The following RANBP2 variants were observed in gnomAD, a reference collection of about 807,000 sequenced individuals.
RANBP2 encodes the protein RAN binding protein 2.
Under a neutral mutation model 303.6 loss-of-function variants are expected in RANBP2, and 57 were observed. The ratio of observed to expected loss-of-function variants is 0.19; its 90% CI spans 0.15 to 0.23. The LOEUF is 0.23. Ranked by LOEUF, RANBP2 falls within the 10% of genes least tolerant of loss-of-function variation. RANBP2 has a pLI of 1.00. For synonymous variants in RANBP2, 1,167 were observed against 1,301.5 expected (o/e 0.90, Z 2.23); for missense variants, 3,138 against 3,780.8 (o/e 0.83, Z 4.46).
chr2:109,130,465 C>G, the RANBP2 span, among the ~76,000 whole-genome samples: 1 of 152,206 alleles, frequency 6.6e-6, no homozygotes, highest in Non-Finnish European at 1.5e-5. Context: ...CCAGACACTC[C>G]CTCTGCACAC....
chr2:108,902,397 A>C, the RANBP2 span, among the ~76,000 whole-genome samples: 22 of 151,820 alleles, frequency 1.4e-4, no homozygotes, highest in South Asian at 2.0e-3. Flanking sequence ...AAAACAAAAC[A>C]AAAAAACCTC....
the RANBP2 span, among the ~76,000 whole-genome samples, chr2:108,910,078 G>A: frequency 6.6e-6 from 1 of 152,338 alleles, no homozygotes; most frequent in Non-Finnish European, 1.5e-5. Flanking sequence ...CCAGCATTAC[G>A]GTGGCAGCAG....
At chr2:109,490,130 G>A in the RANBP2 span, among the ~76,000 whole-genome samples, 2 of 152,162 alleles carry the variant, frequency 1.3e-5, no homozygotes, top group African/African-American at 4.8e-5. Context: ...TTCTCCATGG[G>A]TCTCTCACCC....
chr2:109,614,866 C>A, the RANBP2 span: 1 of 1,401,992 alleles, frequency 7.1e-7, no homozygotes, highest in Non-Finnish European at 9.2e-7. Flanking sequence ...GCCCCGGAGT[C>A]GCTCCCTGGA....
At chr2:109,152,738 A>G in the RANBP2 span, among the ~76,000 whole-genome samples, 5 of 152,164 alleles carry the variant, frequency 3.3e-5, no homozygotes, top group Non-Finnish European at 5.9e-5. Context: ...TTGAGTAGGC[A>G]TGGGCAGAGG....
chr2:108,897,185 T>C, the RANBP2 span: 2 of 1,613,832 alleles, frequency 1.2e-6, no homozygotes, highest in South Asian at 1.1e-5. Flanking sequence ...AGCATTCGGC[T>C]AGTCTTCTCG....
the RANBP2 span, among the ~76,000 whole-genome samples, chr2:108,888,899 C>T: frequency 6.6e-6 from 1 of 151,702 alleles, no homozygotes; most frequent in Non-Finnish European, 1.5e-5. Context: ...TTGATTGTTA[C>T]TTTGTACTCT....
the RANBP2 span, among the ~76,000 whole-genome samples, chr2:109,523,839 C>T: frequency 6.6e-6 from 1 of 152,214 alleles, no homozygotes; most frequent in Non-Finnish European, 1.5e-5. Context: ...CACCAAGCAG[C>T]CTGCGACGGT....
chr2:108,849,513 C>G, the RANBP2 span, among the ~76,000 whole-genome samples: 1 of 152,126 alleles, frequency 6.6e-6, no homozygotes, highest in African/African-American at 2.4e-5. Flanking sequence ...GCTTCATCAC[C>G]TCTCCCTAGA....
At chr2:109,153,171 A>G in the RANBP2 span, among the ~76,000 whole-genome samples, 2 of 152,142 alleles carry the variant, frequency 1.3e-5, no homozygotes, top group Non-Finnish European at 2.9e-5. Context: ...CAGCATCTAA[A>G]CTTATGCACT....
At chr2:109,658,100 C>T in the RANBP2 span, among the ~76,000 whole-genome samples, 3 of 151,912 alleles carry the variant, frequency 2.0e-5, no homozygotes, top group Non-Finnish European at 4.4e-5. Flanking sequence ...CATCAGAGTT[C>T]ACGTATAGAA....
chr2:109,045,822 C>T, the RANBP2 span, among the ~76,000 whole-genome samples: 2 of 152,130 alleles, frequency 1.3e-5, no homozygotes, highest in Non-Finnish European at 2.9e-5. Flanking sequence ...AGAGAGTGCT[C>T]ACCTGAAAGG....
the RANBP2 span, among the ~76,000 whole-genome samples, chr2:108,985,439 C>G: frequency 7.9e-5 from 12 of 152,258 alleles, no homozygotes; most frequent in Non-Finnish European, 1.5e-5. Flanking sequence ...GGCAGGGCTA[C>G]CGCCACAGGT....
chr2:109,083,566 C>A, the RANBP2 span, among the ~76,000 whole-genome samples: 1 of 152,138 alleles, frequency 6.6e-6, no homozygotes, highest in Non-Finnish European at 1.5e-5. Context: ...GATGCACACT[C>A]GGCTTGCTTC....
the RANBP2 span, among the ~76,000 whole-genome samples, chr2:108,820,067 C>T: frequency 1.3e-5 from 2 of 150,936 alleles, no homozygotes; most frequent in Non-Finnish European, 2.9e-5. Context: ...CAACAGCAGA[C>T]TTCATTACGC....
chr2:109,238,239 T>G, the RANBP2 span, among the ~76,000 whole-genome samples: 1 of 151,852 alleles, frequency 6.6e-6, no homozygotes, highest in Non-Finnish European at 1.5e-5. Flanking sequence ...TTATGAAGAC[T>G]AATTCAATAG....
the RANBP2 span, chr2:109,129,177 C>T: frequency 1.6e-5 from 7 of 446,820 alleles, no homozygotes; most frequent in Non-Finnish European, 3.0e-5. Flanking sequence ...TGCCGCTGGT[C>T]TCCCAGGCGC....
chr2:109,325,341 T>C, the RANBP2 span, among the ~76,000 whole-genome samples: 7 of 131,898 alleles, frequency 5.3e-5, no homozygotes, highest in East Asian at 2.1e-4. Context: ...CTTTTTTTTT[T>C]TTTTTTTTTT....
chr2:109,732,866 C>G, the RANBP2 span: 2 of 1,269,262 alleles, frequency 1.6e-6, no homozygotes, highest in African/African-American at 2.9e-5. Context: ...TGAAGATCCC[C>G]GAGATGCAGC....
Sources: gnomAD v4.1 joint callset for allele counts (sites outside exome capture counted in the v4.1 genomes callset) on GRCh38, gnomAD v4.1.1 for gene constraint, MANE v1.5 for transcripts, NCBI Gene and HGNC (gene_info 2026-07-23, HGNC 2026-07-21) for gene names.